The following EXOC3 variants were observed in gnomAD, a reference collection of about 807,000 sequenced individuals.
EXOC3 encodes the protein exocyst complex component 3.
In EXOC3, 21 loss-of-function variants were observed where a neutral mutation model predicts 73.7. That is an observed-to-expected ratio of 0.29 (90% CI 0.20 to 0.41). The LOEUF (loss-of-function observed/expected upper bound fraction) is 0.41. Among genes scored for constraint, EXOC3 ranks in the 10% least tolerant of loss-of-function variants. EXOC3 has a pLI of 1.00. For synonymous variants in EXOC3, 410 were observed against 389.1 expected, an observed-to-expected ratio of 1.05 and a Z score of -0.63; for missense variants, 842 against 985.1, an observed-to-expected ratio of 0.85 and a Z score of 1.95.
intron 10 of EXOC3, chr5:464,656 C>T (rs958691262): frequency 1.3e-5 from 6 of 469,950 alleles, no homozygotes; most frequent in African/African-American, 9.8e-5. Context: ...GAGAGGCCCG[C>T]GTGCCCCGTC....
At position 454,759 on chromosome 5, in the gene EXOC3, A is replaced by C. The variant is rs941443467; in HGVS notation, c.1046+708A>C. Among the ~76,000 whole-genome samples the C allele has an allele frequency of 2.0e-5, 3 of 152,124 alleles. No individual in the cohort carries two copies. In the East Asian group the frequency reaches 5.8e-4, roughly 29 times the overall value. On this transcript the variant is annotated intron_variant, in intron 4 of 12. Coordinates refer to ENST00000512944, the MANE Select transcript of EXOC3 (RefSeq NM_007277.5). ...AAATGAAAATTTATTTCAATTTTCCATGGTTTCATGGTTAGAAAATAATAT... is the reference window on the plus strand; with the variant it reads ...AAATGAAAATTTATTTCAATTTTCCCTGGTTTCATGGTTAGAAAATAATAT...
At chr5:448,261 A>C (rs143315192) in intron 3 of EXOC3, among the ~76,000 whole-genome samples, 21 of 152,278 alleles carry the variant, frequency 1.4e-4, no homozygotes, top group African/African-American at 4.8e-4. Flanking sequence ...TGACCCTTTC[A>C]GTCTTCTCCC....
chr5:454,557 A>G (rs2126578809), intron 4 of EXOC3, among the ~76,000 whole-genome samples: 1 of 152,360 alleles, frequency 6.6e-6, no homozygotes, highest in Admixed American at 6.5e-5. Flanking sequence ...AAAAATAAAC[A>G]GTTACAAGTC....
chr5:464,909 C>CG (rs1439605077), intron 10 of EXOC3: 1 of 612,478 alleles, frequency 1.6e-6, no homozygotes, highest in African/African-American at 1.9e-5. Context: ...TGGCCTGGTG[C>CG]GGGGGTCCAG....
In EXOC3 at chr5:465,201, C is replaced by T. The variant is rs1210807384; in HGVS notation, c.1867C>T (p.Arg623Cys). Residue 623 changes from arginine (R) to cysteine (C), a missense_variant, in exon 11 of 13, where the codon CGC becomes TGC. Transcript: ENST00000512944. ...CATTTCCTTCCGGAGCCCGGAGGAG[C>T]GCAAGGAGGGTGCCGAGAAGATGGT... ...KRISFRSPEE[R>C]KEGAEKMVRE... 6.3e-7 allele frequency: 1 copy of T among 1,594,578 alleles called. No individual in the cohort carries two copies. The highest frequency in any genetic ancestry group is 8.5e-7 in the Non-Finnish European group (1 of 1,171,020).
rs1305541614 is a variant in EXOC3, at chr5:459,478, G to C, written c.1391+19G>C. 4 of 1,324,862 alleles carry C rather than the reference G, an allele frequency of 3.0e-6. No individual in the cohort carries two copies. The highest frequency in any genetic ancestry group is 4.4e-5 in the Admixed American group (2 of 44,950). The allele number at this position is 1,324,862 out of a possible 1,614,324, so 82.1% of individuals were successfully genotyped here. A position where few individuals can be genotyped will look rare whatever the true frequency, so the allele number is the denominator to read the frequency against. ...TAAGCAGGTATGTCTTTCTGCCAGT[G>C]TGCTAATGTACACATTGAATGTTTT... On this transcript the variant is annotated intron_variant, in intron 7 of 12. Coordinates refer to ENST00000512944, the MANE Select transcript of EXOC3 (RefSeq NM_007277.5).
At chr5:447,868 T>C (rs540407612) in intron 3 of EXOC3, 116 bp downstream of exon 3, 71 of 703,210 alleles carry the variant, frequency 1.0e-4, no homozygotes, top group Non-Finnish European at 1.2e-4. Flanking sequence ...AGACGGTAAG[T>C]GTGATTCTTG....
Position 466,920 on chromosome 5 carries a change from C to A in EXOC3, c.*22C>A, listed in dbSNP as rs773763826. The A allele has an allele frequency of 6.4e-7, 1 of 1,574,338 alleles. No individual in the cohort carries two copies. The highest frequency in any genetic ancestry group is 1.8e-5 in the Admixed American group (1 of 54,428). On this transcript the variant is annotated 3_prime_UTR_variant, in exon 13 of 13. Coordinates refer to ENST00000512944, the MANE Select transcript of EXOC3 (RefSeq NM_007277.5). ...GTAGCCTCCGCCGGCCTGCCCTGCTCGCCCCTCCACAGCCTCGGTCCCTGC... is the reference window on the plus strand; with the variant it reads ...GTAGCCTCCGCCGGCCTGCCCTGCTAGCCCCTCCACAGCCTCGGTCCCTGC...
chr5:465,015 C>T (rs1054641017), intron 10 of EXOC3, 96 bp from the exon 11 acceptor site: 5 of 1,335,040 alleles, frequency 3.7e-6, no homozygotes, highest in South Asian at 1.5e-5. Flanking sequence ...TCAGAGCCTC[C>T]GGGGAGCCAC....
In EXOC3 at chr5:464,424, G is replaced by A; in HGVS notation, c.1776+12G>A. Reference sequence around the variant, plus strand: ...AGCCGTATAAGAAGGTAAGAAGGTGGGACCTAGTTCCCTCATCACCTTGAC... The same window carrying A: ...AGCCGTATAAGAAGGTAAGAAGGTGAGACCTAGTTCCCTCATCACCTTGAC... On this transcript the variant is annotated intron_variant, in intron 10 of 12. Coordinates refer to ENST00000512944, the MANE Select transcript of EXOC3 (RefSeq NM_007277.5). 6.2e-7 allele frequency: 1 copy of A among 1,612,526 alleles called. No homozygotes were observed. The highest frequency in any genetic ancestry group is 8.5e-7 in the Non-Finnish European group (1 of 1,179,020).
Position 453,849 on chromosome 5 carries a change from A to G in EXOC3, c.844A>G (p.Ile282Val). The G allele has an allele frequency of 6.2e-7, 1 of 1,613,958 alleles. No individual in the cohort carries two copies. The highest frequency in any genetic ancestry group is 8.5e-7 in the Non-Finnish European group (1 of 1,179,900). ...KMWLVRHLEI[I>V]RKYVLDDLIV... ...GTGGCTTGTCCGCCACCTGGAAATTATAAGGAAGTACGTCCTGGATGACCT... is the reference window on the plus strand; with the variant it reads ...GTGGCTTGTCCGCCACCTGGAAATTGTAAGGAAGTACGTCCTGGATGACCT... Residue 282 changes from isoleucine (I) to valine (V), a missense_variant, in exon 4 of 13, where the codon ATA becomes GTA. Transcript: ENST00000512944.
intron 7 of EXOC3, 135 bp from the exon 8 acceptor site, chr5:461,825 T>C (rs1737994702): frequency 1.4e-5 from 9 of 636,486 alleles, no homozygotes; most frequent in Non-Finnish European, 2.3e-5. Flanking sequence ...GTCTAAAGAT[T>C]GTTTTATTTT....
Position 464,170 on chromosome 5 carries a change from TCC to T in EXOC3, c.1654-118_1654-117del, listed in dbSNP as rs1274677790. 34 of 975,986 alleles carry T rather than the reference TCC, an allele frequency of 3.5e-5. 1 individual carries two copies. The highest frequency in any genetic ancestry group is 6.9e-5 in the Admixed American group (3 of 43,570). The allele number at this position is 975,986 out of a possible 1,614,324, so 60.5% of individuals were successfully genotyped here. On this transcript the variant is annotated intron_variant, in intron 9 of 12. Transcript: ENST00000512944. The stretch of plus-strand genomic sequence containing the variant: ...GCGTTGAGGTGAGGAAGTGCCTCCC[TCC>T]CACACTGCACGCAGCTCTCGTGGGG...
rs776924787 is a variant in EXOC3, at chr5:465,133, G to A, written c.1799G>A (p.Arg600Gln). 3 of 1,589,446 alleles carry A rather than the reference G, an allele frequency of 1.9e-6. No individual in the cohort carries two copies. The highest frequency in any genetic ancestry group is 2.3e-5 in the South Asian group (2 of 87,604). ...YKKRMTAEAHRRVVVEYLRAV... is the reference protein window; with the variant it reads ...YKKRMTAEAHQRVVVEYLRAV... ...CAGAGGATGACGGCCGAGGCGCACCGGCGCGTGGTGGTGGAGTACCTGCGG... is the reference window on the plus strand; with the variant it reads ...CAGAGGATGACGGCCGAGGCGCACCAGCGCGTGGTGGTGGAGTACCTGCGG... The change falls in exon 11 of 13, where the codon CGG becomes CAG. Residue 600 changes from arginine (R) to glutamine (Q), a missense_variant. Physicochemically the swap from Arg to Gln is conservative, Grantham distance 43 (BLOSUM62 1). Transcript: ENST00000512944.
intron 11 of EXOC3, 72 bp from the exon 12 acceptor site, chr5:465,646 A>AGC (rs1278624194): frequency 6.3e-7 from 1 of 1,590,888 alleles, no homozygotes; most frequent in East Asian, 2.2e-5. Context: ...GAAGGGGCTC[A>AGC]GCCAGAATCC....
intron 6 of EXOC3, among the ~76,000 whole-genome samples, chr5:458,415 T>A (rs965569722): frequency 4.6e-5 from 7 of 152,328 alleles, no homozygotes; most frequent in Middle Eastern, 3.4e-3. Context: ...CGTCCATTAT[T>A]TTTTTTGAGA....
chr5:459,411 C>T lies in EXOC3; in HGVS notation c.1343C>T (p.Thr448Ile). The T allele has an allele frequency of 6.3e-7, 1 of 1,575,480 alleles. No individual in the cohort carries two copies. The highest frequency in any genetic ancestry group is 8.6e-7 in the Non-Finnish European group (1 of 1,157,278). The change falls in exon 7 of 13, where the codon ACA becomes ATA. Residue 448 changes from threonine (T) to isoleucine (I), a missense_variant. Coordinates refer to ENST00000512944, the MANE Select transcript of EXOC3 (RefSeq NM_007277.5). ...GCTCAGATAAGTGAAGATTTGAAAA[C>T]AAAGGTACTAGTTTTATGTCTTCAG... is the stretch of plus-strand genomic sequence containing the variant. ...VAAQISEDLK[T>I]KVLVLCLQQM...
chr5:458,414 T>TG (rs1737886156), intron 6 of EXOC3, among the ~76,000 whole-genome samples: 1 of 152,150 alleles, frequency 6.6e-6, no homozygotes, highest in Admixed American at 6.5e-5. Context: ...GCGTCCATTA[T>TG]TTTTTTTGAG....
At chr5:443,857 C>CCAGGTGTCCCTCGTCGGAG (rs1346335121) in intron 1 of EXOC3, among the ~76,000 whole-genome samples, 2 of 150,516 alleles carry the variant, frequency 1.3e-5, no homozygotes, top group Non-Finnish European at 3.0e-5. Flanking sequence ...CCCCCTCGGA[C>CCAGGTGTCCCTCGTCGGAG]CAGGTGTCCC....
Sources: gnomAD v4.1 joint callset for allele counts (sites outside exome capture counted in the v4.1 genomes callset) on GRCh38, gnomAD v4.1.1 for gene constraint, MANE v1.5 for transcripts, NCBI Gene and HGNC (gene_info 2026-07-23, HGNC 2026-07-21) for gene names.